HIVEP3: variants seen among roughly 807,000 people sequenced by gnomAD.
HIVEP3 encodes HIVEP zinc finger 3, also known as transcription factor HIVEP3.
A neutral mutation model predicts 152.8 loss-of-function variants in HIVEP3; 49 were observed. The ratio of observed to expected loss-of-function variants is 0.32; its 90% CI spans 0.26 to 0.41. The LOEUF is 0.41. HIVEP3 is among the 10% of genes least tolerant of loss of function. The pLI, the probability that HIVEP3 is intolerant of heterozygous loss-of-function variation, is 1.00. For synonymous variants in HIVEP3, 1,269 were observed against 1,289.0 expected (o/e 0.98, Z 0.33); for missense variants, 2,790 against 3,103.3 (o/e 0.90, Z 2.40).
intron 5 of HIVEP3, among the ~76,000 whole-genome samples, chr1:41,545,528 T>TACCATCACCACCACC (rs1334717673): frequency 2.8e-5 from 1 of 35,792 alleles, no homozygotes; most frequent in African/African-American, 1.2e-4. Flanking sequence ...TCACCACCAC[T>TACCATCACCACCACC]ACCATCACCA....
At chr1:42,004,125 T>C (rs1262497553) in intron 1 of HIVEP3, among the ~76,000 whole-genome samples, 1 of 152,010 alleles carries the variant, frequency 6.6e-6, no homozygotes, top group East Asian at 1.9e-4. Flanking sequence ...AACCAGGTGG[T>C]GGAGCAGGCC....
Position 41,839,653 on chromosome 1 carries a change from CAT to C in HIVEP3, c.-801+78758_-801+78759del, listed in dbSNP as rs139385004. ...GGGATGCTCTGTGTGTGTGACTACA[CAT>C]GAGTGAGGTAACCACTCACAGCCCA... On this transcript the variant is annotated intron_variant, in intron 1 of 8. Coordinates refer to ENST00000372583, the MANE Select transcript of HIVEP3 (RefSeq NM_024503.5). Among the ~76,000 whole-genome samples the C allele has an allele frequency of 8.1e-3, 1,226 of 152,298 alleles. 21 individuals are homozygous for C. Among genetic ancestry groups the C allele is most frequent in the African/African-American group, 0.028 (1,165 of 41,556 alleles).
chr1:41,922,393 T>TC (rs1377855528), upstream of HIVEP3, among the ~76,000 whole-genome samples: 3 of 152,200 alleles, frequency 2.0e-5, no homozygotes, highest in Non-Finnish European at 4.4e-5. Flanking sequence ...CTATAATTTC[T>TC]CTTATGCAAT....
At chr1:41,929,437 A>G (rs968620718) in intron 1 of HIVEP3, among the ~76,000 whole-genome samples, 8 of 151,916 alleles carry the variant, frequency 5.3e-5, no homozygotes, top group African/African-American at 1.9e-4. Context: ...CTTACTTTCT[A>G]GCACCAGAAG....
At chr1:41,756,523 G>A (rs1432180650) in intron 1 of HIVEP3, among the ~76,000 whole-genome samples, 2 of 152,126 alleles carry the variant, frequency 1.3e-5, no homozygotes, top group Non-Finnish European at 2.9e-5. Context: ...AAGAGCCCTA[G>A]ATCCCTGGAT....
At chr1:41,858,385 C>T (rs1206915411) in intron 1 of HIVEP3, among the ~76,000 whole-genome samples, 1 of 152,176 alleles carries the variant, frequency 6.6e-6, no homozygotes, top group African/African-American at 2.4e-5. Context: ...CTGTCATTCA[C>T]AAAAATGGGA....
At chr1:41,590,877 A>G (rs1644577554) in intron 3 of HIVEP3, among the ~76,000 whole-genome samples, 1 of 152,032 alleles carries the variant, frequency 6.6e-6, no homozygotes, top group Non-Finnish European at 1.5e-5. Flanking sequence ...TAGCTTTGAG[A>G]CTCAGGCAGC....
intron 2 of HIVEP3, among the ~76,000 whole-genome samples, chr1:41,689,741 A>T (rs1330854499): frequency 6.6e-6 from 1 of 152,262 alleles, no homozygotes; most frequent in Admixed American, 6.5e-5. Flanking sequence ...TTTAGAAAAG[A>T]TGTCCCTGGC....
chr1:41,685,303 C>T (rs78157621), intron 2 of HIVEP3, among the ~76,000 whole-genome samples: 3,854 of 152,326 alleles, frequency 0.025, 173 homozygotes, highest in African/African-American at 0.088. Context: ...GGAGTACCTG[C>T]CTTGGCCACC....
chr1:41,642,029 G>A (rs1217355408), intron 2 of HIVEP3, among the ~76,000 whole-genome samples: 1 of 152,222 alleles, frequency 6.6e-6, no homozygotes, highest in African/African-American at 2.4e-5. Context: ...CACATAAAGT[G>A]CTTAGAACAG....
chr1:41,666,583 ATCC>A (rs1287796302), intron 2 of HIVEP3, among the ~76,000 whole-genome samples: 1 of 152,148 alleles, frequency 6.6e-6, no homozygotes, highest in African/African-American at 2.4e-5. Context: ...GTGACTCAGA[ATCC>A]TCCTCCTCTC....
intron 2 of HIVEP3, among the ~76,000 whole-genome samples, chr1:41,648,437 G>C (rs1645494988): frequency 6.6e-6 from 1 of 152,150 alleles, no homozygotes; most frequent in African/African-American, 2.4e-5. Context: ...GGCCCAGACT[G>C]GACCTCTGTG....
chr1:41,746,546 G>C (rs1647074741), intron 1 of HIVEP3, among the ~76,000 whole-genome samples: 1 of 152,226 alleles, frequency 6.6e-6, no homozygotes, highest in African/African-American at 2.4e-5. Flanking sequence ...GTCCAGGGAA[G>C]CTATGCATGG....
intron 1 of HIVEP3, among the ~76,000 whole-genome samples, chr1:41,754,912 T>G (rs536465799): frequency 6.6e-6 from 1 of 152,348 alleles, no homozygotes; most frequent in South Asian, 2.1e-4. Flanking sequence ...AGCGGAAGTT[T>G]AAATTAGTAC....
At chr1:41,655,497 T>G (rs1262202136) in intron 2 of HIVEP3, among the ~76,000 whole-genome samples, 11 of 148,214 alleles carry the variant, frequency 7.4e-5, no homozygotes, top group Non-Finnish European at 3.0e-5. Flanking sequence ...GTGACAGAAT[T>G]GCTTGAACCC....
chr1:41,900,865 C>T (rs529605911), intron 1 of HIVEP3, among the ~76,000 whole-genome samples: 3 of 152,158 alleles, frequency 2.0e-5, no homozygotes, highest in South Asian at 4.1e-4. Flanking sequence ...CAGGGCCCAT[C>T]GCCTGGGGTG....
intron 2 of HIVEP3, among the ~76,000 whole-genome samples, chr1:41,680,069 G>A (rs996751816): frequency 2.6e-5 from 4 of 152,226 alleles, no homozygotes; most frequent in Non-Finnish European, 5.9e-5. Context: ...AGATGGGCCA[G>A]GATGGTTGAG....
intron 1 of HIVEP3, among the ~76,000 whole-genome samples, chr1:41,879,235 G>C (rs1158697361): frequency 6.6e-6 from 1 of 152,194 alleles, no homozygotes; most frequent in Admixed American, 6.5e-5. Flanking sequence ...ATCTAGAAGA[G>C]GTCTCCCTTT....
intron 1 of HIVEP3, among the ~76,000 whole-genome samples, chr1:41,905,480 G>A (rs1644695640): frequency 6.6e-6 from 1 of 152,172 alleles, no homozygotes; most frequent in South Asian, 2.1e-4. Context: ...ACTACTTCTT[G>A]TCCAGTCATT....
Sources: allele counts gnomAD v4.1 joint callset (sites outside exome capture counted in the v4.1 genomes callset), GRCh38; gene constraint gnomAD v4.1.1; transcripts MANE v1.5; gene names NCBI Gene and HGNC (gene_info 2026-07-23, HGNC 2026-07-21).